The following TRABD2B variants were observed in gnomAD, a reference collection of about 807,000 sequenced individuals.
The protein encoded by TRABD2B is TraB domain containing 2B, also known as metalloprotease TIKI2.
In TRABD2B, 14 loss-of-function variants were observed where a neutral mutation model predicts 40.1. The observed-to-expected ratio is 0.35, with a 90% confidence interval of 0.23 to 0.55. The LOEUF is 0.55. Among genes scored for constraint, TRABD2B ranks in the 20% least tolerant of loss-of-function variants. The pLI, the probability that TRABD2B is intolerant of heterozygous loss-of-function variation, is 0.90. For missense variants in TRABD2B, 541 were observed against 648.6 expected, an observed-to-expected ratio of 0.83 and a Z score of 1.80; for synonymous variants, 263 against 277.0, an observed-to-expected ratio of 0.95 and a Z score of 0.50.
intron 2 of TRABD2B, among the ~76,000 whole-genome samples, chr1:47,873,519 G>C (rs953769141): frequency 6.6e-6 from 1 of 152,200 alleles, no homozygotes; most frequent in East Asian, 1.9e-4. Context: ...GCTGGGGCGA[G>C]GGCGTGTGCT....
chr1:47,913,414 C>T lies in TRABD2B; in HGVS notation c.666+80620G>A, dbSNP rs1644788699. On this transcript the variant is annotated intron_variant, in intron 2 of 6. Transcript: ENST00000606738. ...AAGTGTGCTCTGCACCCATCAGAAA[C>T]AACACCATTTCTGATGGCAGAGAGG... 2.0e-5 allele frequency among the ~76,000 whole-genome samples: 3 copies of T among 152,298 alleles called. 1 individual carries two copies. In the South Asian group the frequency reaches 6.2e-4, roughly 32 times the overall value.
intron 6 of TRABD2B, among the ~76,000 whole-genome samples, chr1:47,771,078 T>A (rs1313074351): frequency 6.6e-6 from 1 of 152,200 alleles, no homozygotes; most frequent in Non-Finnish European, 1.5e-5. Flanking sequence ...CTACCTCGAA[T>A]CTGATGGGGT....
chr1:47,979,975 G>T (rs1645817568), intron 2 of TRABD2B, among the ~76,000 whole-genome samples: 1 of 152,236 alleles, frequency 6.6e-6, no homozygotes, highest in African/African-American at 2.4e-5. Flanking sequence ...GAGTGGGTGG[G>T]CCAATTATTA....
intron 2 of TRABD2B, among the ~76,000 whole-genome samples, chr1:47,820,654 C>T (rs1645093292): frequency 6.6e-6 from 1 of 152,194 alleles, no homozygotes; most frequent in African/African-American, 2.4e-5. Flanking sequence ...GCTTCCAGCA[C>T]CCTGTGTCCT....
intron 6 of TRABD2B, among the ~76,000 whole-genome samples, chr1:47,766,868 A>G (rs1294102497): frequency 6.6e-6 from 1 of 152,250 alleles, no homozygotes; most frequent in Non-Finnish European, 1.5e-5. Context: ...AGTTTTGGAA[A>G]TAACAGGTGA....
rs186854890 is a variant in TRABD2B, at chr1:47,903,436, C to T, written c.666+90598G>A. Among the ~76,000 whole-genome samples, 457 of 152,048 alleles carry T rather than the reference C, an allele frequency of 3.0e-3. 4 individuals carry two copies. Among genetic ancestry groups the T allele is most frequent in the Middle Eastern group, 6.8e-3 (2 of 294 alleles). ...GCTGTGACATAGTGCATAAGAAAAA[C>T]GGTTGGGAATCATTTTCTGAGCAGG... On this transcript the variant is annotated intron_variant, in intron 2 of 6. Transcript: ENST00000606738.
At chr1:47,855,246 T>A (rs189227673) in intron 2 of TRABD2B, among the ~76,000 whole-genome samples, 5 of 152,376 alleles carry the variant, frequency 3.3e-5, no homozygotes, top group African/African-American at 1.2e-4. Context: ...CCATATTTTT[T>A]AAAATATTGA....
Position 47,794,620 on chromosome 1 carries a change from G to A in TRABD2B, c.954C>T (p.Asn318=), listed in dbSNP as rs560115889. 1.4e-5 allele frequency: 21 copies of A among 1,534,786 alleles called. No individual in the cohort carries two copies. Among genetic ancestry groups the A allele is most frequent in the Middle Eastern group, 1.7e-4 (1 of 5,980 alleles). Residue 318 remains asparagine (N), a synonymous_variant, in exon 4 of 7, where the codon AAC becomes AAT. Transcript: ENST00000606738. ...GKRVMALLRE[N]EDKICFFAFG... is the part of the protein sequence containing the mutation. ...AGGCAAAGAAGCAGATCTTGTCCTC[G>A]TTCTCCCGTAGAAGCGCCATGACCC...
intron 2 of TRABD2B, among the ~76,000 whole-genome samples, chr1:47,966,019 G>A (rs188422618): frequency 6.6e-6 from 1 of 152,256 alleles, no homozygotes; most frequent in African/African-American, 2.4e-5. Context: ...ACAGCCATAT[G>A]AAGCCATACA....
chr1:47,782,214 G>C (rs1644534100), intron 4 of TRABD2B, among the ~76,000 whole-genome samples: 1 of 152,156 alleles, frequency 6.6e-6, no homozygotes, highest in Non-Finnish European at 1.5e-5. Flanking sequence ...TCTCAACCAG[G>C]CTCTGCTATT....
At chr1:47,817,359 G>A (rs1463852752) in intron 2 of TRABD2B, among the ~76,000 whole-genome samples, 1 of 152,022 alleles carries the variant, frequency 6.6e-6, no homozygotes, top group African/African-American at 2.4e-5. Flanking sequence ...TGAAGCCAGG[G>A]CAAAAGCAAC....
rs113077246 is a variant in TRABD2B, at chr1:47,791,753, G to C, written c.988+2833C>G. On this transcript the variant is annotated intron_variant, in intron 4 of 6. Coordinates refer to ENST00000606738, the MANE Select transcript of TRABD2B (RefSeq NM_001194986.2). ...AATTACATGATCATAAGAATGTAAC[G>C]AGGCCGGAGTGGACTTCCCTCACCA... 2.7e-3 allele frequency among the ~76,000 whole-genome samples: 418 copies of C among 152,286 alleles called. 8 individuals carry two copies. The highest frequency in any genetic ancestry group is 8.2e-3 in the African/African-American group (341 of 41,556).
chr1:47,866,831 A>G (rs1043187041), intron 2 of TRABD2B, among the ~76,000 whole-genome samples: 1 of 152,102 alleles, frequency 6.6e-6, no homozygotes, highest in African/African-American at 2.4e-5. Flanking sequence ...CAAACACCCA[A>G]ATGAAGGCAG....
intron 2 of TRABD2B, among the ~76,000 whole-genome samples, chr1:47,923,051 C>T (rs1183363537): frequency 1.3e-5 from 2 of 152,190 alleles, no homozygotes; most frequent in Non-Finnish European, 1.5e-5. Context: ...GCCTCAAATG[C>T]GCCAAGGCCT....
chr1:47,781,410 A>G (rs1644520362), intron 4 of TRABD2B, among the ~76,000 whole-genome samples: 1 of 152,166 alleles, frequency 6.6e-6, no homozygotes, highest in African/African-American at 2.4e-5. Flanking sequence ...GGGACTGAGT[A>G]GAGGAGACAC....
intron 2 of TRABD2B, among the ~76,000 whole-genome samples, chr1:47,822,477 T>A (rs988339977): frequency 7.1e-6 from 1 of 141,816 alleles, no homozygotes; most frequent in African/African-American, 2.6e-5. Context: ...GGGGGGCAGG[T>A]AGAGAATCAG....
chr1:47,972,082 A>G (rs1040487822), intron 2 of TRABD2B, among the ~76,000 whole-genome samples: 2 of 152,234 alleles, frequency 1.3e-5, no homozygotes, highest in Non-Finnish European at 2.9e-5. Context: ...GGCAAAAATA[A>G]TGCTAATTAA....
At position 47,839,093 on chromosome 1, in the gene TRABD2B, C is replaced by T. The variant is rs1033649591; in HGVS notation, c.667-37474G>A. Among the ~76,000 whole-genome samples, 14 of 152,298 alleles carry T rather than the reference C, an allele frequency of 9.2e-5. No individual in the cohort carries two copies. In the South Asian group the frequency reaches 1.7e-3, roughly 18 times the overall value. On this transcript the variant is annotated intron_variant, in intron 2 of 6. Transcript: ENST00000606738. ...TCAGGCCTTGTGGGATAGATTGGAA[C>T]GCTGCCTTCAAGACATTGTGGGATA...
intron 2 of TRABD2B, among the ~76,000 whole-genome samples, chr1:47,955,757 C>G (rs927297657): frequency 1.3e-5 from 2 of 152,180 alleles, no homozygotes; most frequent in Non-Finnish European, 2.9e-5. Flanking sequence ...CCAGGACCCC[C>G]TCCCATCCAG....
Sources: gnomAD v4.1 joint callset for allele counts (sites outside exome capture counted in the v4.1 genomes callset) on GRCh38, gnomAD v4.1.1 for gene constraint, MANE v1.5 for transcripts, NCBI Gene and HGNC (gene_info 2026-07-23, HGNC 2026-07-21) for gene names.